Variants in C1orf159 observed in about 807,000 individuals in gnomAD.
C1orf159 encodes chromosome 1 open reading frame 159.
Under a neutral mutation model 25.6 loss-of-function variants are expected in C1orf159, and 19 were observed. The ratio of observed to expected loss-of-function variants is 0.74; its 90% CI spans 0.52 to 1.09. C1orf159 has a LOEUF of 1.09. C1orf159 is among the 50% of genes least tolerant of loss of function. The pLI, the probability that C1orf159 is intolerant of heterozygous loss-of-function variation, is 0.00. For synonymous variants in C1orf159, 139 were observed against 124.7 expected, an observed-to-expected ratio of 1.12 and a Z score of -0.77; for missense variants, 274 against 290.6, an observed-to-expected ratio of 0.94 and a Z score of 0.42.
At chr1:1,099,211 T>C (rs536929448) in intron 1 of C1orf159, among the ~76,000 whole-genome samples, 1 of 143,198 alleles carries the variant, frequency 7.0e-6, no homozygotes, top group East Asian at 2.0e-4. Flanking sequence ...GGGTTGTCTA[T>C]TGATGTTTTT....
chr1:1,084,434 G>C, intron 8 of C1orf159, 47 bp downstream of exon 8: 1 of 1,579,774 alleles, frequency 6.3e-7, no homozygotes, highest in African/African-American at 1.4e-5. Context: ...CCTGGCACAG[G>C]CACACGCGGC....
intron 1 of C1orf159, among the ~76,000 whole-genome samples, chr1:1,112,572 C>G (rs570119916): frequency 6.6e-6 from 1 of 152,054 alleles, no homozygotes; most frequent in Non-Finnish European, 1.5e-5. Context: ...GAACACACAG[C>G]GCATGCTCCC....
chr1:1,090,330 C>G, intron 4 of C1orf159, 23 bp downstream of exon 4: 5 of 1,550,352 alleles, frequency 3.2e-6, no homozygotes, highest in Non-Finnish European at 4.4e-6. Context: ...GGTCTGGAAT[C>G]TGCTTGGGAC....
intron 4 of C1orf159, among the ~76,000 whole-genome samples, chr1:1,090,021 C>T (rs1304327351): frequency 2.6e-5 from 4 of 152,212 alleles, no homozygotes; most frequent in Admixed American, 6.5e-5. Context: ...TGCCAGAGGC[C>T]CCTGGAGCCA....
At position 1,110,698 on chromosome 1, in the gene C1orf159, G is replaced by A. The variant is rs1034392654; in HGVS notation, c.-136+5362C>T. On this transcript the variant is annotated intron_variant, in intron 1 of 9. Coordinates refer to ENST00000421241, the MANE Select transcript of C1orf159 (RefSeq NM_017891.5). This position sits in a 1 kb window ranked among gnomAD's most constrained non-coding sequence, Gnocchi z 4.8. Reference sequence around the variant, plus strand: ...TTCCCAAGAGAAACAACACACGCCCGCCAAACACGTGCACAAAAATAGGCC... The same window carrying A: ...TTCCCAAGAGAAACAACACACGCCCACCAAACACGTGCACAAAAATAGGCC... Among the ~76,000 whole-genome samples the A allele has an allele frequency of 6.6e-6, 1 of 151,974 alleles. No homozygotes were observed. The highest frequency in any genetic ancestry group is 2.4e-5 in the African/African-American group (1 of 41,296).
intron 7 of C1orf159, among the ~76,000 whole-genome samples, chr1:1,085,645 G>A (rs1181824578): frequency 6.6e-6 from 1 of 152,228 alleles, no homozygotes; most frequent in Non-Finnish European, 1.5e-5. Flanking sequence ...GAGGTTCTGG[G>A]CCCCGAGGAA....
intron 1 of C1orf159, 57 bp from the exon 2 acceptor site, chr1:1,092,160 C>T (rs1256729267): frequency 1.1e-5 from 4 of 355,578 alleles, no homozygotes; most frequent in South Asian, 2.0e-5. Context: ...CCAGGTGGGC[C>T]GTGGCCTACG....
At chr1:1,083,849 G>A (rs1305469778) in intron 9 of C1orf159, 1 of 1,410,530 alleles carries the variant, frequency 7.1e-7, no homozygotes, top group Non-Finnish European at 9.8e-7. Context: ...TGGCCTTGGA[G>A]CTGTGTGGCT....
chr1:1,087,651 G>A lies in C1orf159; in HGVS notation c.149-54C>T, dbSNP rs1372537593. The A allele has an allele frequency of 7.0e-6, 9 of 1,283,082 alleles. No homozygotes were observed. Among genetic ancestry groups the A allele is most frequent in the African/African-American group, 1.5e-5 (1 of 67,434 alleles). The allele number at this position is 1,283,082 out of a possible 1,614,324, so 79.5% of individuals were successfully genotyped here. ...GCCAAAGCAAAATCCACACCAGCTGGGTCTCCTGGGAATGATTCTCTATTT... is the reference window on the plus strand; with the variant it reads ...GCCAAAGCAAAATCCACACCAGCTGAGTCTCCTGGGAATGATTCTCTATTT... On this transcript the variant is annotated intron_variant, in intron 4 of 9. Coordinates refer to ENST00000421241, the MANE Select transcript of C1orf159 (RefSeq NM_017891.5). The surrounding 1 kb of genome is among the most constrained non-coding windows in gnomAD (Gnocchi z 8.3).
chr1:1,087,398 G>A lies in C1orf159; in HGVS notation c.244+104C>T. 1 of 1,241,434 alleles carries A rather than the reference G, an allele frequency of 8.1e-7. No homozygotes were observed. Among genetic ancestry groups the A allele is most frequent in the Non-Finnish European group, 1.1e-6 (1 of 896,244 alleles). The allele number at this position is 1,241,434 out of a possible 1,614,324, so 76.9% of individuals were successfully genotyped here. A position where few individuals can be genotyped will look rare whatever the true frequency, so the allele number is the denominator to read the frequency against. On this transcript the variant is annotated intron_variant, in intron 5 of 9. Coordinates refer to ENST00000421241, the MANE Select transcript of C1orf159 (RefSeq NM_017891.5). This position sits in a 1 kb window ranked among gnomAD's most constrained non-coding sequence, Gnocchi z 8.3. ...GGGCTCCCGGGGCTGTTCCCCAGTG[G>A]ACAGTGGCTCTGGGGCAAGGTGGGG...
chr1:1,091,184 G>A, intron 3 of C1orf159: 2 of 615,664 alleles, frequency 3.2e-6, no homozygotes, highest in South Asian at 3.9e-5. Flanking sequence ...GGCACGCTGT[G>A]CTGTCACCGC....
chr1:1,103,374 A>G (rs1273375576), intron 1 of C1orf159, among the ~76,000 whole-genome samples: 2 of 152,138 alleles, frequency 1.3e-5, no homozygotes, highest in East Asian at 1.9e-4. Flanking sequence ...CTGGCTCTTC[A>G]TATGTTGAGT....
At chr1:1,091,608 G>A (rs765958376) in intron 2 of C1orf159, 43 bp from the exon 3 acceptor site, 22 of 1,416,204 alleles carry the variant, frequency 1.6e-5, no homozygotes, top group South Asian at 1.1e-4. Flanking sequence ...GATGGAGTGG[G>A]GCTGAGGCAG....
At chr1:1,113,705 C>A (rs889268033) in intron 1 of C1orf159, among the ~76,000 whole-genome samples, 5 of 152,136 alleles carry the variant, frequency 3.3e-5, no homozygotes, top group African/African-American at 1.2e-4. Flanking sequence ...AAGTAAAGCG[C>A]CCTTGGAAGA....
chr1:1,113,875 CAG>C (rs1371192341), intron 1 of C1orf159, among the ~76,000 whole-genome samples: 1 of 150,612 alleles, frequency 6.6e-6, no homozygotes, highest in African/African-American at 2.4e-5. Flanking sequence ...GGAGCATGCA[CAG>C]AGTTTACTGG....
chr1:1,087,351 GC>G lies in C1orf159; in HGVS notation c.245-148del. The G allele has an allele frequency of 8.6e-7, 1 of 1,158,876 alleles. No homozygotes were observed. The highest frequency in any genetic ancestry group is 1.2e-6 in the Non-Finnish European group (1 of 835,978). 71.8% of individuals were successfully genotyped at this position (1,158,876 alleles called of 1,614,324 possible). A position where few individuals can be genotyped will look rare whatever the true frequency, so the allele number is the denominator to read the frequency against. ...CCTCACCACAGAGCTGTCCCGAATG[GC>G]CCAGCAGACTCGGGAAGAGGGGGCT... On this transcript the variant is annotated intron_variant, in intron 5 of 9. Transcript: ENST00000421241. The surrounding 1 kb of genome is among the most constrained non-coding windows in gnomAD (Gnocchi z 8.3).
intron 1 of C1orf159, among the ~76,000 whole-genome samples, chr1:1,097,584 A>ATT (rs71576596): frequency 0.06 from 7,539 of 126,476 alleles, 365 homozygotes; most frequent in Middle Eastern, 0.12. Context: ...AGCTCATTAA[A>ATT]TTTTTTTTTT....
Position 1,087,551 on chromosome 1 carries a change from G to T in C1orf159, c.195C>A (p.Arg65=). The change falls in exon 5 of 10, where the codon CGC becomes CGA. Residue 65 remains arginine (R), a synonymous_variant. Coordinates refer to ENST00000421241, the MANE Select transcript of C1orf159 (RefSeq NM_017891.5). The surrounding 1 kb of genome is among the most constrained non-coding windows in gnomAD (Gnocchi z 8.3). ...AGGCTGGGAGGGTTCCGTTCCCACA[G>T]CGGACGCAGCTGGCGCTCCCGTCCG... is the stretch of plus-strand genomic sequence containing the variant. ...WNADGSASCV[R]CGNGTLPAYN... 1 of 1,549,344 alleles carries T rather than the reference G, an allele frequency of 6.5e-7. No homozygotes were observed. The highest frequency in any genetic ancestry group is 1.4e-5 in the African/African-American group (1 of 73,128).
chr1:1,091,618 G>C, intron 2 of C1orf159, 53 bp from the exon 3 acceptor site: 1 of 1,301,118 alleles, frequency 7.7e-7, no homozygotes, highest in South Asian at 1.3e-5. Context: ...GGCTGAGGCA[G>C]GGTGGGTGGG....
Sources: gnomAD v4.1 joint callset for allele counts (sites outside exome capture counted in the v4.1 genomes callset) on GRCh38, gnomAD v4.1.1 for gene constraint, Gnocchi (gnomAD v3.1) non-coding constraint, MANE v1.5 for transcripts, NCBI Gene and HGNC (gene_info 2026-07-23, HGNC 2026-07-21) for gene names.